GPC5: variants seen among roughly 807,000 people sequenced by gnomAD.
GPC5 encodes the protein glypican-5.
In GPC5, 47 loss-of-function variants were observed where a neutral mutation model predicts 53.9. The ratio of observed to expected loss-of-function variants is 0.87; its 90% CI spans 0.69 to 1.11. The LOEUF (loss-of-function observed/expected upper bound fraction) is 1.11, where lower values mean the gene tolerates loss of function less well. Among genes scored for constraint, GPC5 ranks in the 50% most tolerant of loss-of-function variants. The pLI is 0.00. For synonymous variants in GPC5, 286 were observed against 263.3 expected (o/e 1.09, Z -0.84); for missense variants, 748 against 713.1 (o/e 1.05, Z -0.56).
chr13:92,663,602 A>T (rs1438299430), intron 7 of GPC5, among the ~76,000 whole-genome samples: 1 of 132,548 alleles, frequency 7.5e-6, no homozygotes, highest in Admixed American at 8.0e-5. Flanking sequence ...TATCTACTAT[A>T]TATATATATA....
At chr13:91,637,016 C>G (rs1375707613) in intron 2 of GPC5, among the ~76,000 whole-genome samples, 2 of 152,080 alleles carry the variant, frequency 1.3e-5, no homozygotes, top group African/African-American at 4.8e-5. Context: ...AATGAATGTG[C>G]CTTATGTCAA....
intron 7 of GPC5, among the ~76,000 whole-genome samples, chr13:92,234,818 C>G (rs943819103): frequency 4.6e-5 from 7 of 152,126 alleles, no homozygotes; most frequent in African/African-American, 1.7e-4. Flanking sequence ...ACAGCTCTTT[C>G]TATATCCACT....
chr13:92,024,280 C>T (rs1191157266), intron 6 of GPC5, among the ~76,000 whole-genome samples: 2 of 152,110 alleles, frequency 1.3e-5, no homozygotes, highest in African/African-American at 4.8e-5. Context: ...AGTTTTTAAA[C>T]ACTGTATTGG....
intron 4 of GPC5, among the ~76,000 whole-genome samples, chr13:91,745,743 T>C (rs2037036139): frequency 6.6e-6 from 1 of 152,106 alleles, no homozygotes; most frequent in African/African-American, 2.4e-5. Context: ...AAAAAAATTT[T>C]TTTTCTTTTG....
chr13:92,131,311 C>T (rs2041741252), intron 6 of GPC5, among the ~76,000 whole-genome samples: 1 of 151,912 alleles, frequency 6.6e-6, no homozygotes. Context: ...TACCTTTTGA[C>T]CCAGCAATTC....
intron 7 of GPC5, among the ~76,000 whole-genome samples, chr13:92,664,197 T>C (rs2139192925): frequency 6.6e-6 from 1 of 151,958 alleles, no homozygotes; most frequent in East Asian, 1.9e-4. Flanking sequence ...GTCTGGAGAA[T>C]GAATCATCAG....
chr13:92,438,164 G>T (rs1273947706), intron 7 of GPC5, among the ~76,000 whole-genome samples: 3 of 151,714 alleles, frequency 2.0e-5, no homozygotes, highest in Admixed American at 1.3e-4. Flanking sequence ...TATGAGCAAA[G>T]TAGACTCAGT....
chr13:91,574,063 A>G (rs1390627918), intron 2 of GPC5, among the ~76,000 whole-genome samples: 1 of 152,166 alleles, frequency 6.6e-6, no homozygotes, highest in African/African-American at 2.4e-5. Context: ...TATTTACCAT[A>G]TTCTTTTTTT....
intron 7 of GPC5, among the ~76,000 whole-genome samples, chr13:92,544,875 A>T (rs4542527): frequency 0.2 from 30,060 of 151,820 alleles, 2,965 homozygotes; most frequent in South Asian, 0.22. Flanking sequence ...GGGTAAAGTT[A>T]AAAAACTCTC....
chr13:92,022,280 G>T (rs9516003), intron 6 of GPC5, among the ~76,000 whole-genome samples: 1 of 152,142 alleles, frequency 6.6e-6, no homozygotes, highest in East Asian at 1.9e-4. Flanking sequence ...GGATTACAGG[G>T]GTGAGCCACC....
intron 1 of GPC5, among the ~76,000 whole-genome samples, chr13:91,423,584 G>A (rs1878796561): frequency 6.6e-6 from 1 of 152,090 alleles, no homozygotes; most frequent in African/African-American, 2.4e-5. Context: ...GGGGGGTGTG[G>A]GGTGTGAATG....
intron 7 of GPC5, among the ~76,000 whole-genome samples, chr13:92,183,774 A>G (rs534039557): frequency 6.6e-6 from 1 of 152,066 alleles, no homozygotes; most frequent in South Asian, 2.1e-4. Context: ...CTTTTTATGA[A>G]TTTTAGGTGC....
intron 7 of GPC5, among the ~76,000 whole-genome samples, chr13:92,694,460 C>T (rs1481399264): frequency 6.6e-6 from 1 of 152,166 alleles, no homozygotes; most frequent in Admixed American, 6.5e-5. Context: ...CTAGTGTTTG[C>T]ATTAGCATCC....
chr13:91,691,961 G>A (rs923810661), intron 2 of GPC5, among the ~76,000 whole-genome samples: 2 of 152,120 alleles, frequency 1.3e-5, no homozygotes, highest in Admixed American at 6.5e-5. Context: ...AAACAGTCCA[G>A]TATCCTTATT....
At chr13:91,497,503 C>G (rs1437243654) in intron 2 of GPC5, among the ~76,000 whole-genome samples, 1 of 152,140 alleles carries the variant, frequency 6.6e-6, no homozygotes, top group East Asian at 1.9e-4. Context: ...TCATGCCTCC[C>G]AAGTCACTTA....
rs541784363 is a variant in GPC5 at position 91,820,971 on chromosome 13, A to T, written c.1280+64551A>T. On this transcript the variant is annotated intron_variant, in intron 5 of 7. Transcript: ENST00000377067. ...GAGCGAGACTCCGTCTCAAAAAAAA[A>T]ATAAACAAATAAAATAAAAAAAAAA... is the stretch of plus-strand genomic sequence containing the variant. Among the ~76,000 whole-genome samples the T allele has an allele frequency of 7.4e-3, 1,098 of 148,990 alleles. 9 individuals are homozygous for T. Among genetic ancestry groups the T allele is most frequent in the Non-Finnish European group, 0.012 (820 of 67,154 alleles).
rs144399523 is a variant in GPC5, at chr13:91,976,689, C to G, written c.1401+68632C>G. ...CAGTTCCTTGATACTATTTGGAAGG[C>G]ATGATGGTTTTCCTGAGGAAGAAAC... On this transcript the variant is annotated intron_variant, in intron 6 of 7. Transcript: ENST00000377067. Among the ~76,000 whole-genome samples the G allele has an allele frequency of 2.2e-4, 34 of 152,218 alleles. No homozygotes were observed. In the East Asian group the frequency reaches 6.4e-3, roughly 29 times the overall value.
rs184418298 is a variant in GPC5, at chr13:91,409,485, A to C, written c.163+10276A>C. On this transcript the variant is annotated intron_variant, in intron 1 of 7. Coordinates refer to ENST00000377067, the MANE Select transcript of GPC5 (RefSeq NM_004466.6). ...TTTGATAAGTTCAGAAGCACACAAA[A>C]AACTTCAGGTTTTAAAATATTTCCT... Among the ~76,000 whole-genome samples the C allele has an allele frequency of 3.3e-5, 5 of 152,330 alleles. No homozygotes were observed. The East Asian group carries it at 9.6e-4, about 29-fold the overall frequency.
At chr13:92,134,466 T>A (rs1178823181) in intron 6 of GPC5, among the ~76,000 whole-genome samples, 1 of 152,134 alleles carries the variant, frequency 6.6e-6, no homozygotes, top group Non-Finnish European at 1.5e-5. Flanking sequence ...ATTTAAACAT[T>A]CCCTATGCAT....
Sources: allele counts gnomAD v4.1 joint callset (sites outside exome capture counted in the v4.1 genomes callset), GRCh38; gene constraint gnomAD v4.1.1; transcripts MANE v1.5; gene names NCBI Gene and HGNC (gene_info 2026-07-23, HGNC 2026-07-21).